SRRM3: variants seen among roughly 807,000 people sequenced by gnomAD.
SRRM3 encodes the protein serine/arginine repetitive matrix 3, also known as serine/arginine repetitive matrix protein 3.
A neutral mutation model predicts 66.2 loss-of-function variants in SRRM3; 27 were observed. That is an observed-to-expected ratio of 0.41 (90% CI 0.30 to 0.56). The LOEUF is 0.56. Ranked by LOEUF, SRRM3 falls within the 20% of genes least tolerant of loss-of-function variation. The pLI is 0.32. For synonymous variants in SRRM3, 391 were observed against 414.9 expected, an observed-to-expected ratio of 0.94 and a Z score of 0.70; for missense variants, 918 against 991.9, an observed-to-expected ratio of 0.93 and a Z score of 1.00.
At chr7:76,282,064 C>G (rs1802531514) in intron 12 of SRRM3, among the ~76,000 whole-genome samples, 1 of 145,880 alleles carries the variant, frequency 6.9e-6, no homozygotes, top group African/African-American at 2.5e-5. Flanking sequence ...ACCCCAAACC[C>G]CTATGGACCC....
At chr7:76,252,336 T>C (rs1365170847) in intron 3 of SRRM3, among the ~76,000 whole-genome samples, 7 of 152,160 alleles carry the variant, frequency 4.6e-5, no homozygotes, top group African/African-American at 1.7e-4. Context: ...GCTTGTTTGT[T>C]TTTGAGACAG....
intron 11 of SRRM3, among the ~76,000 whole-genome samples, chr7:76,270,770 TAC>T (rs1227855482): frequency 6.7e-6 from 1 of 150,364 alleles, no homozygotes; most frequent in Non-Finnish European, 1.5e-5. Flanking sequence ...GCGGAGATCA[TAC>T]CACTGCACTC....
chr7:76,214,558 C>A (rs575698213), intron 1 of SRRM3, among the ~76,000 whole-genome samples: 71 of 152,206 alleles, frequency 4.7e-4, no homozygotes, highest in African/African-American at 1.7e-3. Flanking sequence ...ACCATGCTAA[C>A]AGCTGGGAGT....
intron 2 of SRRM3, 41 bp downstream of exon 2, chr7:76,235,340 C>A: frequency 8.6e-7 from 1 of 1,165,950 alleles, no homozygotes. Context: ...GGGAGATAGG[C>A]GGGGCGAGGG....
At chr7:76,231,127 T>C (rs1359799994) in intron 1 of SRRM3, among the ~76,000 whole-genome samples, 1 of 152,020 alleles carries the variant, frequency 6.6e-6, no homozygotes, top group Non-Finnish European at 1.5e-5. Context: ...AGTCACCCCC[T>C]GGTCTGCTGG....
chr7:76,267,530 G>A (rs1183102933), intron 11 of SRRM3, 95 bp downstream of exon 11: 8 of 879,902 alleles, frequency 9.1e-6, no homozygotes, highest in Non-Finnish European at 1.1e-5. Context: ...CGATAAGTGT[G>A]GCATGGGGGC....
chr7:76,264,979 G>C (rs782465972), intron 9 of SRRM3, among the ~76,000 whole-genome samples, 164 bp downstream of exon 9: 1 of 152,070 alleles, frequency 6.6e-6, no homozygotes, highest in Non-Finnish European at 1.5e-5. Flanking sequence ...CTGAGTCAGA[G>C]CTTGAACCAA....
At chr7:76,235,423 T>C (rs1469361916) in intron 2 of SRRM3, 124 bp downstream of exon 2, 2 of 891,562 alleles carry the variant, frequency 2.2e-6, no homozygotes, top group Non-Finnish European at 3.3e-6. Context: ...GGCTAGGGGC[T>C]ATTAGGGCGG....
chr7:76,236,030 AG>A (rs1801143064), intron 2 of SRRM3, among the ~76,000 whole-genome samples: 1 of 136,004 alleles, frequency 7.4e-6, no homozygotes, highest in Non-Finnish European at 1.6e-5. Context: ...AAAAAAAAAA[AG>A]GCCGGGCGCG....
intron 11 of SRRM3, among the ~76,000 whole-genome samples, chr7:76,272,650 T>C (rs999708211): frequency 1.3e-5 from 2 of 151,504 alleles, no homozygotes. Context: ...AGACTCCATC[T>C]CAAAAAAAAA....
intron 1 of SRRM3, among the ~76,000 whole-genome samples, chr7:76,223,268 C>G (rs55804588): frequency 0.1 from 15,758 of 152,120 alleles, 1,561 homozygotes; most frequent in African/African-American, 0.25. Flanking sequence ...CTGGTCCTTA[C>G]CCCCCCAGCC....
intron 1 of SRRM3, among the ~76,000 whole-genome samples, chr7:76,209,604 A>ATTT (rs11290590): frequency 7.3e-6 from 1 of 136,820 alleles, no homozygotes; most frequent in Non-Finnish European, 1.6e-5. Context: ...AAGAGTTGGA[A>ATTT]TTTTTTTTTT....
intron 1 of SRRM3, 185 bp from the exon 2 acceptor site, chr7:76,234,843 C>G (rs1554604597): frequency 5.5e-6 from 3 of 549,144 alleles, no homozygotes; most frequent in Non-Finnish European, 9.5e-6. Context: ...GTGTCCAACC[C>G]ACTCGTGCCC....
chr7:76,249,640 G>A (rs1801524510), intron 3 of SRRM3, among the ~76,000 whole-genome samples: 1 of 152,246 alleles, frequency 6.6e-6, no homozygotes, highest in South Asian at 2.1e-4. Flanking sequence ...CGAGCTCCAT[G>A]CCTGGCAGGC....
At chr7:76,251,717 C>A (rs552020475) in intron 3 of SRRM3, among the ~76,000 whole-genome samples, 1 of 152,098 alleles carries the variant, frequency 6.6e-6, no homozygotes, top group East Asian at 1.9e-4. Context: ...ATCACTTGAG[C>A]CCAGGAGTTC....
intron 11 of SRRM3, among the ~76,000 whole-genome samples, chr7:76,271,154 G>A (rs1285394814): frequency 6.6e-6 from 1 of 151,376 alleles, no homozygotes; most frequent in Admixed American, 6.6e-5. Flanking sequence ...AGGTCACACA[G>A]CTATTTAGAG....
Position 76,235,006 on chromosome 7 carries a change from CGTGTCT to C in SRRM3, c.-39-13_-39-8del. 1 of 1,392,448 alleles carries C rather than the reference CGTGTCT, an allele frequency of 7.2e-7. No individual in the cohort carries two copies. The highest frequency in any genetic ancestry group is 9.6e-7 in the Non-Finnish European group (1 of 1,041,124). The allele number at this position is 1,392,448 out of a possible 1,614,324, so 86.3% of individuals were successfully genotyped here. ...TGGCGAAGAAGTGACCATCCCGCCT[CGTGTCT>C]GTGTCTGTCCCTCAGGGCCAGCGGC... On this transcript the variant is annotated splice_polypyrimidine_tract_variant and intron_variant, in intron 1 of 14. Coordinates refer to ENST00000611745, the MANE Select transcript of SRRM3 (RefSeq NM_001110199.3).
intron 1 of SRRM3, among the ~76,000 whole-genome samples, chr7:76,210,913 C>T (rs1487041739): frequency 6.6e-6 from 1 of 152,106 alleles, no homozygotes; most frequent in Non-Finnish European, 1.5e-5. Flanking sequence ...AGCGATTCTC[C>T]TGCCTCAGCC....
chr7:76,278,799 C>T lies in SRRM3; in HGVS notation c.1009-2642C>T, dbSNP rs1802426106. Among the ~76,000 whole-genome samples the T allele has an allele frequency of 2.0e-5, 3 of 152,214 alleles. No homozygotes were observed. In the South Asian group the frequency reaches 6.2e-4, roughly 31 times the overall value. ...TGAGGTTGACCTCCTGGGTCTACCT[C>T]CATGTTCAGCTCAGCTCCAGCCCTG... On this transcript the variant is annotated intron_variant, in intron 11 of 14. Coordinates refer to ENST00000611745, the MANE Select transcript of SRRM3 (RefSeq NM_001110199.3).
Sources: allele counts gnomAD v4.1 joint callset (sites outside exome capture counted in the v4.1 genomes callset), GRCh38; gene constraint gnomAD v4.1.1; transcripts MANE v1.5; gene names NCBI Gene and HGNC (gene_info 2026-07-23, HGNC 2026-07-21).